Variants in USP31 observed in about 807,000 individuals in gnomAD.
USP31 encodes the protein ubiquitin specific peptidase 31.
USP31 carries 44 observed loss-of-function variants against 119.4 expected under a neutral mutation model. The observed-to-expected ratio is 0.37, with a 90% confidence interval of 0.29 to 0.47. The LOEUF (loss-of-function observed/expected upper bound fraction) is 0.47. Ranked by LOEUF, USP31 falls within the 20% of genes least tolerant of loss-of-function variation. USP31 has a pLI of 0.99. For missense variants in USP31, 1,643 were observed against 1,730.2 expected (o/e 0.95, Z 0.89); for synonymous variants, 749 against 705.6 (o/e 1.06, Z -0.97).
chr16:23,102,129 G>GT (rs1413512934), intron 6 of USP31, among the ~76,000 whole-genome samples, 190 bp downstream of exon 6: 2 of 151,848 alleles, frequency 1.3e-5, no homozygotes. Context: ...GCCTAAAACA[G>GT]TAAGAGCTGC....
rs1902098838 is a variant in USP31 at position 23,106,244 on chromosome 16, T to C, written c.922A>G (p.Ile308Val). The C allele has an allele frequency of 6.2e-7, 1 of 1,614,106 alleles. No homozygotes were observed. The highest frequency in any genetic ancestry group is 8.5e-7 in the Non-Finnish European group (1 of 1,180,016). ...TGGGGCAGAGGAATTGGCAAAGAAATGCAAAGGAAAGGATCAAAAGTGTTG... is the reference window on the plus strand; with the variant it reads ...TGGGGCAGAGGAATTGGCAAAGAAACGCAAAGGAAAGGATCAAAAGTGTTG... ...QSNTFDPFLC[I>V]SLPIPLPHTR... Residue 308 changes from isoleucine (I) to valine (V), a missense_variant, in exon 4 of 16, where the codon ATT becomes GTT. Ile to Val is a conservative substitution (Grantham distance 29). Coordinates refer to ENST00000219689, the MANE Select transcript of USP31 (RefSeq NM_020718.4).
In USP31 at chr16:23,082,615, C is replaced by A. The variant is rs1027559807; in HGVS notation, c.1831-58G>T. 13 of 1,608,712 alleles carry A rather than the reference C, an allele frequency of 8.1e-6. No homozygotes were observed. In the African/African-American group the frequency reaches 1.6e-4, roughly 20 times the overall value. On this transcript the variant is annotated intron_variant, in intron 11 of 15. Coordinates refer to ENST00000219689, the MANE Select transcript of USP31 (RefSeq NM_020718.4). ...CACTTAATGCAAGACTGTGTTACAG[C>A]TGGACTAATGCCTTAGCCAGGGCAT...
At chr16:23,098,035 C>G (rs1229826038) in intron 6 of USP31, among the ~76,000 whole-genome samples, 1 of 152,134 alleles carries the variant, frequency 6.6e-6, no homozygotes, top group Non-Finnish European at 1.5e-5. Context: ...GTCAAATTGT[C>G]CCTGTTTGCA....
chr16:23,097,191 C>T (rs1901651097), intron 6 of USP31, among the ~76,000 whole-genome samples: 1 of 152,064 alleles, frequency 6.6e-6, no homozygotes, highest in Non-Finnish European at 1.5e-5. Flanking sequence ...ATACAAACTA[C>T]CATCAGAGAA....
chr16:23,106,176 G>C, intron 4 of USP31, 37 bp downstream of exon 4: 1 of 1,611,430 alleles, frequency 6.2e-7, no homozygotes, highest in Non-Finnish European at 8.5e-7. Flanking sequence ...GATACCATAA[G>C]AAAATACAGT....
intron 6 of USP31, among the ~76,000 whole-genome samples, chr16:23,099,225 T>C (rs992151474): frequency 6.6e-6 from 1 of 152,140 alleles, no homozygotes; most frequent in African/African-American, 2.4e-5. Context: ...AAAATGCTCA[T>C]CATCACTGGT....
chr16:23,081,173 G>T (rs1268792795), intron 12 of USP31, among the ~76,000 whole-genome samples: 1 of 152,186 alleles, frequency 6.6e-6, no homozygotes, highest in Non-Finnish European at 1.5e-5. Flanking sequence ...AAGAGTCAAA[G>T]AGGACACTGC....
intron 1 of USP31, among the ~76,000 whole-genome samples, chr16:23,117,858 C>G (rs1438507952): frequency 6.6e-6 from 1 of 151,792 alleles, no homozygotes; most frequent in Non-Finnish European, 1.5e-5. Context: ...AGTGCAATCT[C>G]AGCTCACTGC....
Position 23,087,713 on chromosome 16 carries a change from T to G in USP31, c.1527+11A>C. 1 of 1,612,174 alleles carries G rather than the reference T, an allele frequency of 6.2e-7. No homozygotes were observed. On this transcript the variant is annotated intron_variant, in intron 8 of 15. Coordinates refer to ENST00000219689, the MANE Select transcript of USP31 (RefSeq NM_020718.4). ...CCCATGCTATGCTGGAATATCAAAA[T>G]GCTTACAAACCTGAATGCAAACCGT...
In USP31 at chr16:23,144,056, A is replaced by G. The variant is rs142865552; in HGVS notation, c.633+4582T>C. On this transcript the variant is annotated intron_variant, in intron 1 of 15. Transcript: ENST00000219689. Reference sequence around the variant, plus strand: ...GCTAGTCAACTCATTTCATCCTGGGAAATGAAAACCCAACTTTAACAACCA... The same window carrying G: ...GCTAGTCAACTCATTTCATCCTGGGGAATGAAAACCCAACTTTAACAACCA... Among the ~76,000 whole-genome samples, 147 of 152,304 alleles carry G rather than the reference A, an allele frequency of 9.7e-4. 1 individual carries two copies. Among genetic ancestry groups the G allele is most frequent in the African/African-American group, 3.3e-3 (136 of 41,568 alleles).
rs1415208120 is a variant in USP31 at position 23,067,408 on chromosome 16, C to T, written c.*638G>A. 1 of 152,648 alleles carries T rather than the reference C, an allele frequency of 6.6e-6. No homozygotes were observed. The highest frequency in any genetic ancestry group is 6.5e-5 in the Admixed American group (1 of 15,286). 9.5% of individuals were successfully genotyped at this position (152,648 alleles called of 1,614,324 possible). A position where few individuals can be genotyped will look rare whatever the true frequency, so the allele number is the denominator to read the frequency against. On this transcript the variant is annotated 3_prime_UTR_variant, in exon 16 of 16. Transcript: ENST00000219689. ...CAGTAGGAGAAATGACACAGTCACC[C>T]ACATGGCACCTTCCTCTTTAATCCA...
chr16:23,125,962 T>C (rs1039429592), intron 1 of USP31, among the ~76,000 whole-genome samples: 26 of 152,172 alleles, frequency 1.7e-4, no homozygotes, highest in Non-Finnish European at 8.8e-5. Context: ...AATTCCCTGC[T>C]CATTCATTTG....
intron 13 of USP31, among the ~76,000 whole-genome samples, chr16:23,074,259 G>A (rs372478418): frequency 1.3e-5 from 2 of 152,080 alleles, no homozygotes; most frequent in Non-Finnish European, 2.9e-5. Context: ...TAGAGGCCAC[G>A]GATGCTGCTA....
intron 1 of USP31, among the ~76,000 whole-genome samples, chr16:23,125,057 C>A (rs1325820055): frequency 6.6e-6 from 1 of 152,200 alleles, no homozygotes; most frequent in Admixed American, 6.5e-5. Flanking sequence ...ACACCTCTCT[C>A]CTACCAGCAT....
At chr16:23,082,310 A>G (rs1900865546) in intron 12 of USP31, 128 bp downstream of exon 12, 4 of 1,261,762 alleles carry the variant, frequency 3.2e-6, no homozygotes, top group Admixed American at 2.1e-5. Context: ...AAGTGTGTCT[A>G]TAACATACAC....
intron 1 of USP31, among the ~76,000 whole-genome samples, chr16:23,113,506 G>T (rs887590944): frequency 2.6e-5 from 4 of 152,126 alleles, no homozygotes; most frequent in African/African-American, 9.7e-5. Context: ...CCATGGAGGC[G>T]GAAGCAATAA....
At chr16:23,132,001 CTGTT>C (rs1292529117) in intron 1 of USP31, among the ~76,000 whole-genome samples, 2 of 152,190 alleles carry the variant, frequency 1.3e-5, no homozygotes, top group African/African-American at 2.4e-5. Context: ...TGTGGACACA[CTGTT>C]TGCTACCATC....
At chr16:23,094,842 C>CAAAA (rs1901531767) in intron 6 of USP31, among the ~76,000 whole-genome samples, 1 of 152,132 alleles carries the variant, frequency 6.6e-6, no homozygotes, top group Non-Finnish European at 1.5e-5. Context: ...ACCAAAACCC[C>CAAAA]ATCTGTAGGT....
chr16:23,090,791 G>T lies in USP31; in HGVS notation c.1248C>A (p.Asn416Lys). ...CAAATTTCAAGTGGTTTAGGTTGTT[G>T]TTTAAATGAATTCCTGAAACAGAAT... ...GILSQRGIHL[N>K]NNLNHLKFGL... The change falls in exon 7 of 16, where the codon AAC becomes AAA. Residue 416 changes from asparagine (N) to lysine (K), a missense_variant. Transcript: ENST00000219689. 4.5e-6 allele frequency: 7 copies of T among 1,568,858 alleles called. 1 individual carries two copies. The South Asian group carries it at 8.2e-5, about 18-fold the overall frequency.
Sources: allele counts gnomAD v4.1 joint callset (sites outside exome capture counted in the v4.1 genomes callset), GRCh38; gene constraint gnomAD v4.1.1; transcripts MANE v1.5; gene names NCBI Gene and HGNC (gene_info 2026-07-23, HGNC 2026-07-21).